The following TBCD variants were observed in gnomAD, a reference collection of about 807,000 sequenced individuals.
The protein encoded by TBCD is tubulin-specific chaperone D.
A neutral mutation model predicts 169.3 loss-of-function variants in TBCD; 105 were observed. The observed-to-expected ratio is 0.62, with a 90% CI of 0.53 to 0.73. The LOEUF (loss-of-function observed/expected upper bound fraction) is 0.73, where lower values mean the gene tolerates loss of function less well. Ranked by LOEUF, TBCD falls within the 30% of genes least tolerant of loss-of-function variation. The pLI, the probability that TBCD is intolerant of heterozygous loss-of-function variation, is 0.00. For missense variants in TBCD, 1,444 were observed against 1,600.1 expected (o/e 0.90, Z 1.66); for synonymous variants, 700 against 643.9 (o/e 1.09, Z -1.32).
intron 23 of TBCD, among the ~76,000 whole-genome samples, chr17:82,918,112 G>A (rs961403762): frequency 1.3e-5 from 2 of 152,160 alleles, no homozygotes; most frequent in African/African-American, 2.4e-5. Flanking sequence ...TGCTTCCTCC[G>A]CGGTGACTCC....
chr17:82,890,838 G>A lies in TBCD; in HGVS notation c.1563+1141G>A, dbSNP rs78457119. ...CCTGGGTGTGCAGACAGCAAGAGCC[G>A]CCCAGGCCAAGGAGAATGTGAACGA... On this transcript the variant is annotated intron_variant, in intron 16 of 38. Coordinates refer to ENST00000355528, the MANE Select transcript of TBCD (RefSeq NM_005993.5). This position sits in a 1 kb window ranked among gnomAD's most constrained non-coding sequence, Gnocchi z 5.3. 0.11 allele frequency among the ~76,000 whole-genome samples: 16,085 copies of A among 152,236 alleles called. 1,147 individuals are homozygous for A. Among genetic ancestry groups the A allele is most frequent in the South Asian group, 0.29 (1,416 of 4,814 alleles).
intron 8 of TBCD, among the ~76,000 whole-genome samples, chr17:82,799,590 G>A (rs562396838): frequency 1.3e-5 from 2 of 152,282 alleles, no homozygotes; most frequent in Admixed American, 1.3e-4. Context: ...AGGAGTGTGC[G>A]AGTTTTCGTG....
At chr17:82,816,726 C>T (rs1240155924) in intron 13 of TBCD, among the ~76,000 whole-genome samples, 1 of 151,710 alleles carries the variant, frequency 6.6e-6, no homozygotes, top group Non-Finnish European at 1.5e-5. Context: ...TTGTTAGAGA[C>T]AGGGCTTCAC....
At position 82,833,948 on chromosome 17, in the gene TBCD, G is replaced by T. The variant is rs867649633; in HGVS notation, c.1318+19014G>T. Among the ~76,000 whole-genome samples, 4 of 148,316 alleles carry T rather than the reference G, an allele frequency of 2.7e-5. No homozygotes were observed. In the South Asian group the frequency reaches 8.7e-4, roughly 32 times the overall value. ...ACGCCCAAGGCTGAGAACAAAGGCT[G>T]TTTTTCTTTTTTTGAGACAGAGTTT... On this transcript the variant is annotated intron_variant, in intron 13 of 38. Transcript: ENST00000355528. The surrounding 1 kb of genome is among the most constrained non-coding windows in gnomAD (Gnocchi z 4.7).
intron 13 of TBCD, chr17:82,865,495 C>G (rs931997486): frequency 2.4e-5 from 24 of 985,354 alleles, no homozygotes; most frequent in Non-Finnish European, 1.1e-5. Context: ...GCCCACGTTT[C>G]CACGCCTTCC....
Position 82,932,698 on chromosome 17 carries a change from A to G in TBCD, c.3154A>G (p.Thr1052Ala), listed in dbSNP as rs2062307575. ...PLLKTLDHVL[T>A]HGCFDIFTTE... ...GCTGAAGACGCTGGACCACGTGCTCACCCACGGCTGCTTCGACATCTTCAC... is the reference window on the plus strand; with the variant it reads ...GCTGAAGACGCTGGACCACGTGCTCGCCCACGGCTGCTTCGACATCTTCAC... Residue 1052 changes from threonine to alanine, a missense_variant, in exon 34 of 39, where the codon ACC becomes GCC. Transcript: ENST00000355528. The G allele has an allele frequency of 3.7e-6, 6 of 1,613,656 alleles. No individual in the cohort carries two copies. Among genetic ancestry groups the G allele is most frequent in the South Asian group, 3.3e-5 (3 of 91,042 alleles).
intron 38 of TBCD, chr17:82,942,011 G>A (rs948003724): frequency 1.6e-5 from 4 of 251,436 alleles, no homozygotes; most frequent in Admixed American, 5.4e-5. Context: ...GCCTCCTTCC[G>A]GCAGGAGGTT....
At chr17:82,761,640 C>A (rs1047080571) in intron 2 of TBCD, among the ~76,000 whole-genome samples, 1 of 152,078 alleles carries the variant, frequency 6.6e-6, no homozygotes, top group Non-Finnish European at 1.5e-5. Flanking sequence ...AAAATAACAT[C>A]TCCGGGACTT....
At chr17:82,907,628 C>G (rs1267670671) in intron 20 of TBCD, 133 bp from the exon 21 acceptor site, 7 of 929,586 alleles carry the variant, frequency 7.5e-6, no homozygotes, top group Non-Finnish European at 8.5e-6. Context: ...AGAATGAGAC[C>G]TTGCTGAGCC....
At chr17:82,888,045 C>T (rs543941268) in intron 15 of TBCD, among the ~76,000 whole-genome samples, 1 of 152,230 alleles carries the variant, frequency 6.6e-6, no homozygotes, top group East Asian at 1.9e-4. Flanking sequence ...TCTTTCCGTC[C>T]TCTTCATAGG....
At chr17:82,839,205 T>G (rs1464295834) in intron 13 of TBCD, among the ~76,000 whole-genome samples, 1 of 152,236 alleles carries the variant, frequency 6.6e-6, no homozygotes. Flanking sequence ...CTGTCTAATG[T>G]GCATACACCA....
chr17:82,818,914 A>AG (rs2052164996), intron 13 of TBCD, among the ~76,000 whole-genome samples: 1 of 152,122 alleles, frequency 6.6e-6, no homozygotes, highest in South Asian at 2.1e-4. Context: ...TAAAAATACA[A>AG]GGATGTGGTG....
At position 82,800,943 on chromosome 17, in the gene TBCD, G is replaced by A. The variant is rs763600383; in HGVS notation, c.897G>A (p.Lys299=). The change falls in exon 9 of 39, where the codon AAG becomes AAA. Residue 299 remains lysine (K), a synonymous_variant. Transcript: ENST00000355528. ...NQTLLRKLGV[K]LVQRLGLTFL... ...CCCTGCTGCGGAAGCTGGGGGTGAA[G>A]CTTGTGCAGCGACTGGGGCTGACAT... 6.2e-7 allele frequency: 1 copy of A among 1,612,406 alleles called. No homozygotes were observed. The highest frequency in any genetic ancestry group is 1.7e-5 in the Admixed American group (1 of 59,908).
At chr17:82,886,036 C>T (rs1446653852) in intron 15 of TBCD, 2 of 152,220 alleles carry the variant, frequency 1.3e-5, no homozygotes, top group Non-Finnish European at 2.9e-5. Context: ...CCCTGTGAGG[C>T]CCTGAGGCCT....
intron 8 of TBCD, among the ~76,000 whole-genome samples, chr17:82,799,441 C>CAAAAAAAAAAAAAAAAAAAAAAAAAAAA (rs61017445): frequency 2.8e-5 from 2 of 72,616 alleles, no homozygotes; most frequent in Non-Finnish European, 5.1e-5. Context: ...GACTCTGTCT[C>CAAAAAAAAAAAAAAAAAAAAAAAAAAAA]AAAAAAAAAA....
intron 17 of TBCD, among the ~76,000 whole-genome samples, chr17:82,896,204 C>CAA (rs2059464968): frequency 6.6e-6 from 1 of 152,154 alleles, no homozygotes; most frequent in African/African-American, 2.4e-5. Flanking sequence ...TCTCCTCACT[C>CAA]ACACTGGCTT....
chr17:82,944,593 A>G lies in TBCD; in HGVS notation c.*2130A>G, dbSNP rs1246584319. The G allele has an allele frequency of 6.6e-6, 1 of 152,330 alleles. No homozygotes were observed. The highest frequency in any genetic ancestry group is 1.5e-5 in the Non-Finnish European group (1 of 68,026). The allele number at this position is 152,330 out of a possible 1,614,324, so 9.4% of individuals were successfully genotyped here. On this transcript the variant is annotated 3_prime_UTR_variant, in exon 39 of 39. Coordinates refer to ENST00000355528, the MANE Select transcript of TBCD (RefSeq NM_005993.5). ...TGGGCAGAGGTCCAGACTGTGTCCAATGGCAGAAAAGAGAATGCTTGTGGT... is the reference window on the plus strand; with the variant it reads ...TGGGCAGAGGTCCAGACTGTGTCCAGTGGCAGAAAAGAGAATGCTTGTGGT...
In TBCD at chr17:82,915,253, C is replaced by T. The variant is rs1568031110; in HGVS notation, c.2038+3464C>T. 1.3e-5 allele frequency among the ~76,000 whole-genome samples: 2 copies of T among 152,134 alleles called. No homozygotes were observed. The highest frequency in any genetic ancestry group is 2.4e-5 in the African/African-American group (1 of 41,432). On this transcript the variant is annotated intron_variant, in intron 23 of 38. Coordinates refer to ENST00000355528, the MANE Select transcript of TBCD (RefSeq NM_005993.5). This position sits in a 1 kb window ranked among gnomAD's most constrained non-coding sequence, Gnocchi z 4.3. ...GCAGGAGCATCAGGTGCGCCCTGGC[C>T]GCAGGTGCCCCGGAGGTGTCGAACC... is the stretch of plus-strand genomic sequence containing the variant.
intron 14 of TBCD, among the ~76,000 whole-genome samples, chr17:82,875,847 T>C (rs2057932463): frequency 6.6e-6 from 1 of 152,174 alleles, no homozygotes; most frequent in Non-Finnish European, 1.5e-5. Context: ...CCACGTCAGC[T>C]CAGGTGTGAC....
Sources: allele counts gnomAD v4.1 joint callset (sites outside exome capture counted in the v4.1 genomes callset), GRCh38; gene constraint gnomAD v4.1.1; non-coding constraint Gnocchi (gnomAD v3.1); transcripts MANE v1.5; gene names NCBI Gene and HGNC (gene_info 2026-07-23, HGNC 2026-07-21).